Variants in ADAM33 observed in about 807,000 individuals in gnomAD.
ADAM33 encodes disintegrin and metalloproteinase domain-containing protein 33.
In ADAM33, 103 loss-of-function variants were observed where a neutral mutation model predicts 106.2. The ratio of observed to expected loss-of-function variants is 0.97; its 90% CI spans 0.83 to 1.14. The LOEUF is 1.14. ADAM33 is among the 50% of genes most tolerant of loss of function. ADAM33 has a pLI of 0.00. For missense variants in ADAM33, 1,120 were observed against 1,096.6 expected (o/e 1.02, Z -0.30); for synonymous variants, 483 against 453.0 (o/e 1.07, Z -0.84).
intron 2 of ADAM33, 31 bp from the exon 3 acceptor site, chr20:3,677,174 G>A (rs1431843880): frequency 1.9e-6 from 3 of 1,568,808 alleles, no homozygotes; most frequent in Non-Finnish European, 1.7e-6. Context: ...AGCTGAGATG[G>A]TGGCCTCCAG....
Position 3,671,116 on chromosome 20 carries a change from G to C in ADAM33, c.2130C>G (p.Val710=). ...DTFLLAMLLS[V]LLPLLPGAGL... ...CGGCCCCTGGGAGCAGAGGCAGCAG[G>C]ACGCTGAGGAGCATGGCCAGCAGGA... is the stretch of plus-strand genomic sequence containing the variant. Residue 710 remains valine (V), a synonymous_variant, in exon 19 of 22, where the codon GTC becomes GTG. Transcript: ENST00000356518. 6.2e-7 allele frequency: 1 copy of C among 1,606,568 alleles called. No homozygotes were observed. The highest frequency in any genetic ancestry group is 8.5e-7 in the Non-Finnish European group (1 of 1,176,694).
Position 3,672,902 on chromosome 20 carries a change from C to T in ADAM33, c.1134-4G>A, listed in dbSNP as rs1261207928. ...GAACACGCGCGGAAACGGGTGCCTA[C>T]CGGCACGGGGAGGGCATTGGGCATG... On this transcript the variant is annotated splice_region_variant and splice_polypyrimidine_tract_variant and intron_variant, in intron 11 of 21. Coordinates refer to ENST00000356518, the MANE Select transcript of ADAM33 (RefSeq NM_025220.5). 9 of 1,561,664 alleles carry T rather than the reference C, an allele frequency of 5.8e-6. No homozygotes were observed. In the Admixed American group the frequency reaches 1.7e-4, roughly 29 times the overall value.
Position 3,669,551 on chromosome 20 carries a change from G to A in ADAM33, c.2327C>T (p.Pro776Leu). ...LGPTATGQPW[P>L]LDPENSHEPS... ...CCCCCTGGTGCCTCACTCACCCAGG[G>A]GCCAGGGCTGTCCAGTGGCTGTGGG... Residue 776 changes from proline (P) to leucine (L), a missense_variant, in exon 20 of 22, where the codon CCC becomes CTC. Physicochemically the swap from Pro to Leu is moderately conservative, Grantham distance 98 (BLOSUM62 -3). Coordinates refer to ENST00000356518, the MANE Select transcript of ADAM33 (RefSeq NM_025220.5). 3 of 1,591,714 alleles carry A rather than the reference G, an allele frequency of 1.9e-6. No individual in the cohort carries two copies. The highest frequency in any genetic ancestry group is 2.6e-6 in the Non-Finnish European group (3 of 1,169,762).
intron 1 of ADAM33, 27 bp downstream of exon 1, chr20:3,681,881 C>A: frequency 6.3e-7 from 1 of 1,595,016 alleles, no homozygotes; most frequent in Non-Finnish European, 8.5e-7. Context: ...GCCTGCCCCT[C>A]AGGGCGCACC....
Position 3,674,602 on chromosome 20 carries a change from G to C in ADAM33, c.502C>G (p.Arg168Gly), listed in dbSNP as rs368581221. 4.3e-6 allele frequency: 7 copies of C among 1,612,838 alleles called. No homozygotes were observed. The highest frequency in any genetic ancestry group is 5.9e-6 in the Non-Finnish European group (7 of 1,179,738). ...SKDFSTHEIF[R>G]MEQLLTWKGT... ...TTCCAGGTGAGCAGCTGCTCCATCC[G>C]AAAGATCTCGTGGGTTGAGAAGTCC... The change falls in exon 6 of 22, where the codon CGG (arginine) becomes GGG (glycine). Residue 168 changes from arginine to glycine, a missense_variant. Transcript: ENST00000356518.
At position 3,672,536 on chromosome 20, in the gene ADAM33, C is replaced by A; in HGVS notation, c.1401+1G>T. On this transcript the variant is annotated splice_donor_variant, in intron 13 of 21. Coordinates refer to ENST00000356518, the MANE Select transcript of ADAM33 (RefSeq NM_025220.5). LOFTEE classifies it high-confidence loss of function. ...TCACCCTGAACCTTCCATGCCCTCA[C>A]CAGGCAGCGCACGCAGCAGTCCCCG... 6.2e-7 allele frequency: 1 copy of A among 1,613,160 alleles called. No individual in the cohort carries two copies. The highest frequency in any genetic ancestry group is 1.1e-5 in the South Asian group (1 of 91,034).
Position 3,672,848 on chromosome 20 carries a change from G to A in ADAM33, c.1184C>T (p.Ala395Val), listed in dbSNP as rs3918394. 6,323 of 1,576,808 alleles carry A rather than the reference G, an allele frequency of 4.0e-3. 19 individuals carry two copies. The highest frequency in any genetic ancestry group is 4.9e-3 in the Admixed American group (271 of 55,834). ...FSACSRRQLR[A>V]FFRKGGGACL... is the part of the protein sequence containing the mutation. ...AGCGCCGCCCCCCTTGCGGAAGAAG[G>A]CGCGCAGCTGGCGGCGGCTGCAGGC... is the stretch of plus-strand genomic sequence containing the variant. Residue 395 changes from alanine (A) to valine (V), a missense_variant, in exon 12 of 22, where the codon GCC becomes GTC. Physicochemically the swap from Ala to Val is moderately conservative, Grantham distance 64. Transcript: ENST00000356518.
chr20:3,681,762 A>T, intron 1 of ADAM33, 146 bp downstream of exon 1: 1 of 1,255,522 alleles, frequency 8.0e-7, no homozygotes, highest in Non-Finnish European at 1.0e-6. Context: ...CCCCCCAAAG[A>T]GTCCCCACGC....
rs558099558 is a variant in ADAM33, at chr20:3,675,288, G to A, written c.255-183C>T. Reference sequence around the variant, plus strand: ...CAGATCAGAAACTCTTGGGGCTAGAGGAAGGAGCCTTGGTGATGGCTTAGT... The same window carrying A: ...CAGATCAGAAACTCTTGGGGCTAGAAGAAGGAGCCTTGGTGATGGCTTAGT... On this transcript the variant is annotated intron_variant, in intron 3 of 21. Coordinates refer to ENST00000356518, the MANE Select transcript of ADAM33 (RefSeq NM_025220.5). The surrounding 1 kb of genome is among the most constrained non-coding windows in gnomAD (Gnocchi z 4.1). 4.6e-5 allele frequency among the ~76,000 whole-genome samples: 7 copies of A among 152,340 alleles called. No individual in the cohort carries two copies. In the South Asian group the frequency reaches 1.4e-3, roughly 32 times the overall value.
chr20:3,672,938 CCCCCAACCCCCGCGCTTCTCTGAT>C (rs1404218434), intron 11 of ADAM33, 40 bp from the exon 12 acceptor site: 2 of 1,494,882 alleles, frequency 1.3e-6, no homozygotes, highest in Non-Finnish European at 1.8e-6. Context: ...GAGGGACAGT[CCCCCAACCCCCGCGCTTCTCTGAT>C]CCCCACCCCT....
intron 19 of ADAM33, chr20:3,670,380 C>T (rs1401042880): frequency 6.3e-6 from 1 of 159,840 alleles, no homozygotes; most frequent in Non-Finnish European, 1.4e-5. Flanking sequence ...CACAGAGTGC[C>T]TGCCCTGCCT....
rs975483036 is a variant in ADAM33, at chr20:3,681,669, T to C, written c.97+239A>G. On this transcript the variant is annotated intron_variant, in intron 1 of 21. Transcript: ENST00000356518. ...CATGCCCTCTGCTTTGCCAGCGGAG[T>C]GGCAGCCGGGCAGTGTGGGCAAGTC... 1.2e-4 allele frequency among the ~76,000 whole-genome samples: 18 copies of C among 152,018 alleles called. No homozygotes were observed. The East Asian group carries it at 3.1e-3, about 26-fold the overall frequency.
At chr20:3,679,136 C>CTT (rs778392877) in intron 2 of ADAM33, among the ~76,000 whole-genome samples, 2,649 of 78,214 alleles carry the variant, frequency 0.034, 78 homozygotes, top group Middle Eastern at 0.049. Context: ...CTTTTTGGTG[C>CTT]TTTTTTTTTT....
At chr20:3,677,020 C>A (rs1231225653) in intron 3 of ADAM33, 47 bp downstream of exon 3, 3 of 1,597,684 alleles carry the variant, frequency 1.9e-6, no homozygotes, top group Non-Finnish European at 2.6e-6. Context: ...TCCCTGCCCC[C>A]CAACACTGAT....
chr20:3,674,346 T>C (rs2485700), intron 6 of ADAM33, 62 bp from the exon 7 acceptor site: 215,450 of 1,609,898 alleles, frequency 0.13, 16,050 homozygotes, highest in African/African-American at 0.32. Context: ...TGACCACCAA[T>C]CCCAGCTCCC....
Position 3,668,726 on chromosome 20 carries a change from T to G in ADAM33, c.*237A>C. On this transcript the variant is annotated 3_prime_UTR_variant, in exon 22 of 22. Coordinates refer to ENST00000356518, the MANE Select transcript of ADAM33 (RefSeq NM_025220.5). Reference sequence around the variant, plus strand: ...GTGTGACCTTTGCTTCTGGGACTGATGGTTTATTGAGCTGGAGAGTGTGCC... The same window carrying G: ...GTGTGACCTTTGCTTCTGGGACTGAGGGTTTATTGAGCTGGAGAGTGTGCC... 5.5e-6 allele frequency: 3 copies of G among 549,566 alleles called. No homozygotes were observed. The highest frequency in any genetic ancestry group is 9.9e-6 in the Non-Finnish European group (3 of 304,448). The allele number at this position is 549,566 out of a possible 1,614,324, so 34.0% of individuals were successfully genotyped here.
At position 3,670,999 on chromosome 20, in the gene ADAM33, A is replaced by G. The variant is rs2087496163; in HGVS notation, c.2240+7T>C. The G allele has an allele frequency of 6.5e-7, 1 of 1,544,358 alleles. No individual in the cohort carries two copies. Among genetic ancestry groups the G allele is most frequent in the Non-Finnish European group, 8.7e-7 (1 of 1,144,954 alleles). ...GTAGGCTCAGGAAGCAGGCGCTCGG[A>G]GCCTACCCACTGCACGCAGGGTCCC... On this transcript the variant is annotated splice_region_variant and intron_variant, in intron 19 of 21. Coordinates refer to ENST00000356518, the MANE Select transcript of ADAM33 (RefSeq NM_025220.5).
At chr20:3,674,917 T>C (rs774752111) in intron 4 of ADAM33, 68 bp from the exon 5 acceptor site, 1 of 1,606,858 alleles carries the variant, frequency 6.2e-7, no homozygotes, top group Non-Finnish European at 8.5e-7. Context: ...AGGGAGGGTG[T>C]GGTAGGGGCT....
At position 3,672,862 on chromosome 20, in the gene ADAM33, G is replaced by T; in HGVS notation, c.1170C>A (p.Arg390=). 6.3e-7 allele frequency: 1 copy of T among 1,577,450 alleles called. No individual in the cohort carries two copies. The highest frequency in any genetic ancestry group is 1.1e-5 in the South Asian group (1 of 88,902). ...PFPRVFSACS[R]RQLRAFFRKG... is the part of the protein sequence containing the mutation. ...TGCGGAAGAAGGCGCGCAGCTGGCGGCGGCTGCAGGCGCTGAACACGCGCG... is the reference window on the plus strand; with the variant it reads ...TGCGGAAGAAGGCGCGCAGCTGGCGTCGGCTGCAGGCGCTGAACACGCGCG... Residue 390 remains arginine (R), a synonymous_variant, in exon 12 of 22, where the codon CGC becomes CGA. Transcript: ENST00000356518.
Sources: gnomAD v4.1 joint callset for allele counts (sites outside exome capture counted in the v4.1 genomes callset) on GRCh38, gnomAD v4.1.1 for gene constraint, Gnocchi (gnomAD v3.1) non-coding constraint, MANE v1.5 for transcripts, NCBI Gene and HGNC (gene_info 2026-07-23, HGNC 2026-07-21) for gene names.